DNMBP: variants seen among roughly 807,000 people sequenced by gnomAD.
DNMBP encodes dynamin binding protein.
In DNMBP, 87 loss-of-function variants were observed where a neutral mutation model predicts 150.0. The observed-to-expected ratio is 0.58, with a 90% CI of 0.49 to 0.69. The LOEUF is 0.69. DNMBP is among the 30% of genes least tolerant of loss of function. The pLI, the probability that DNMBP is intolerant of heterozygous loss-of-function variation, is 0.00. For missense variants in DNMBP, 1,774 were observed against 1,949.0 expected, an observed-to-expected ratio of 0.91 and a Z score of 1.69; for synonymous variants, 711 against 750.4, an observed-to-expected ratio of 0.95 and a Z score of 0.86.
At chr10:99,901,986 G>A (rs2039747246) in intron 6 of DNMBP, among the ~76,000 whole-genome samples, 1 of 150,000 alleles carries the variant, frequency 6.7e-6, no homozygotes, top group African/African-American at 2.5e-5. Flanking sequence ...CACTGCACCC[G>A]CCACCTCCTG....
chr10:99,929,217 G>GAA (rs397847834), intron 4 of DNMBP, among the ~76,000 whole-genome samples: 1 of 135,284 alleles, frequency 7.4e-6, no homozygotes, highest in Non-Finnish European at 1.6e-5. Flanking sequence ...GAGACTGAGA[G>GAA]AAAAAAAAAA....
chr10:99,879,457 CA>C (rs113097774), intron 16 of DNMBP, among the ~76,000 whole-genome samples: 7 of 145,632 alleles, frequency 4.8e-5, no homozygotes, highest in Admixed American at 1.4e-4. Flanking sequence ...ACAAACTCCT[CA>C]AAAAAAAAAT....
chr10:99,898,807 G>C (rs370828117), intron 7 of DNMBP, 47 bp from the exon 8 acceptor site: 19 of 1,553,322 alleles, frequency 1.2e-5, no homozygotes, highest in Non-Finnish European at 1.5e-5. Flanking sequence ...TTATTAGAGA[G>C]AGAATCTTGA....
At chr10:99,984,877 G>GC (rs1229015791) in intron 1 of DNMBP, among the ~76,000 whole-genome samples, 2 of 152,122 alleles carry the variant, frequency 1.3e-5, no homozygotes, top group African/African-American at 4.8e-5. Context: ...ACAGGCATGT[G>GC]CCCCCACACC....
intron 1 of DNMBP, among the ~76,000 whole-genome samples, chr10:99,974,983 G>A (rs537552348): frequency 6.6e-6 from 1 of 152,292 alleles, no homozygotes; most frequent in Non-Finnish European, 1.5e-5. Context: ...GCCCAGGCTG[G>A]TCTCAAACTC....
chr10:99,906,574 G>T (rs934193666), intron 6 of DNMBP, among the ~76,000 whole-genome samples: 21 of 152,260 alleles, frequency 1.4e-4, no homozygotes, highest in African/African-American at 4.8e-4. Context: ...GCTCTTGCGT[G>T]CTCTCTCTCA....
chr10:99,975,345 G>C (rs2040717202), intron 1 of DNMBP, among the ~76,000 whole-genome samples: 2 of 141,408 alleles, frequency 1.4e-5, no homozygotes, highest in East Asian at 4.0e-4. Context: ...GGCAACAAGA[G>C]CAAAACTATG....
intron 3 of DNMBP, among the ~76,000 whole-genome samples, chr10:99,959,328 A>T (rs1013467999): frequency 3.9e-5 from 6 of 152,200 alleles, no homozygotes; most frequent in African/African-American, 1.4e-4. Flanking sequence ...TTTGGGAAAA[A>T]TACAATAATT....
intron 11 of DNMBP, among the ~76,000 whole-genome samples, chr10:99,891,995 A>T (rs2039575868): frequency 8.4e-6 from 1 of 119,350 alleles, no homozygotes. Flanking sequence ...CCCTACTGGG[A>T]AGTGAGGAGC....
At chr10:99,892,801 T>C (rs1179183796) in intron 11 of DNMBP, among the ~76,000 whole-genome samples, 1 of 152,212 alleles carries the variant, frequency 6.6e-6, no homozygotes, top group Non-Finnish European at 1.5e-5. Flanking sequence ...AATTTTTAAA[T>C]GTTGGAACAG....
At chr10:99,999,442 T>C (rs1047959772) in intron 1 of DNMBP, among the ~76,000 whole-genome samples, 2 of 152,228 alleles carry the variant, frequency 1.3e-5, no homozygotes, top group African/African-American at 4.8e-5. Flanking sequence ...GTAGCTAAAA[T>C]ATGAGCTGCT....
At chr10:100,007,470 C>T (rs2041087511) in intron 1 of DNMBP, among the ~76,000 whole-genome samples, 1 of 152,184 alleles carries the variant, frequency 6.6e-6, no homozygotes, top group African/African-American at 2.4e-5. Context: ...TCTCAGCACA[C>T]ACAGGTGCTC....
In DNMBP at chr10:99,894,971, A is replaced by G. The variant is rs764742137; in HGVS notation, c.3131T>C (p.Leu1044Pro). Residue 1044 changes from leucine to proline, a missense_variant, in exon 11 of 17, where the codon CTG (leucine) becomes CCG (proline). By Grantham distance (98) the Leu-to-Pro change is moderately conservative. Transcript: ENST00000324109. ...CCGGATGTGCTGGAGGTAGAGAGAC[A>G]GGTCTCGGATAAAAGACTTAATCAA... is the stretch of plus-strand genomic sequence containing the variant. Reference protein sequence around the residue: ...ERLIKSFIRDLSLYLQHIRES... With the variant: ...ERLIKSFIRDPSLYLQHIRES... The G allele has an allele frequency of 1.9e-6, 3 of 1,613,832 alleles. No individual in the cohort carries two copies. Among genetic ancestry groups the G allele is most frequent in the African/African-American group, 1.3e-5 (1 of 74,914 alleles).
At chr10:99,935,087 C>CAAAAAAAAAAAAAAAA (rs71009790) in intron 4 of DNMBP, among the ~76,000 whole-genome samples, 2 of 48,542 alleles carry the variant, frequency 4.1e-5, no homozygotes, top group Non-Finnish European at 7.7e-5. Context: ...CCTGTCTCCA[C>CAAAAAAAAAAAAAAAA]AAAAAAAAAA....
chr10:100,006,257 A>C (rs2041070083), intron 1 of DNMBP, among the ~76,000 whole-genome samples: 1 of 152,226 alleles, frequency 6.6e-6, no homozygotes, highest in Non-Finnish European at 1.5e-5. Context: ...GGGATGATTC[A>C]GCTACAGGCA....
At chr10:99,919,776 G>A (rs1265886260) in intron 4 of DNMBP, among the ~76,000 whole-genome samples, 3 of 152,336 alleles carry the variant, frequency 2.0e-5, no homozygotes, top group East Asian at 1.9e-4. Flanking sequence ...GACAGAGGAA[G>A]ACTCCATCTG....
chr10:99,895,148 C>T lies in DNMBP; in HGVS notation c.3052-98G>A, dbSNP rs180726411. 6.0e-3 allele frequency: 3,804 copies of T among 636,482 alleles called. 22 individuals carry two copies. The highest frequency in any genetic ancestry group is 9.8e-3 in the Middle Eastern group (22 of 2,254). 39.4% of individuals were successfully genotyped at this position (636,482 alleles called of 1,614,324 possible). Reference sequence around the variant, plus strand: ...TTTTTTTTTTTTTTTTTTGTGGAGACGGAGTTTTGCTCTTGTCGTCCAGGT... The same window carrying T: ...TTTTTTTTTTTTTTTTTTGTGGAGATGGAGTTTTGCTCTTGTCGTCCAGGT... On this transcript the variant is annotated intron_variant, in intron 10 of 16. Coordinates refer to ENST00000324109, the MANE Select transcript of DNMBP (RefSeq NM_015221.4).
chr10:99,995,627 G>T (rs141426535), intron 1 of DNMBP, among the ~76,000 whole-genome samples: 2 of 152,326 alleles, frequency 1.3e-5, no homozygotes, highest in East Asian at 3.9e-4. Flanking sequence ...TTCATGGGGT[G>T]AGCTTTGAAG....
chr10:100,005,079 A>C (rs2041053787), intron 1 of DNMBP, among the ~76,000 whole-genome samples: 1 of 152,206 alleles, frequency 6.6e-6, no homozygotes, highest in Admixed American at 6.5e-5. Flanking sequence ...TACGAGATTG[A>C]AAACCATGGA....
Sources: gnomAD v4.1 joint callset for allele counts (sites outside exome capture counted in the v4.1 genomes callset) on GRCh38, gnomAD v4.1.1 for gene constraint, MANE v1.5 for transcripts, NCBI Gene and HGNC (gene_info 2026-07-23, HGNC 2026-07-21) for gene names.